The following FAT3 variants were observed in gnomAD, a reference collection of about 807,000 sequenced individuals.
The protein encoded by FAT3 is FAT atypical cadherin 3.
FAT3 carries 95 observed loss-of-function variants against 310.2 expected under a neutral mutation model. The ratio of observed to expected loss-of-function variants is 0.31; its 90% CI spans 0.26 to 0.36. The LOEUF is 0.36. Ranked by LOEUF, FAT3 falls within the 10% of genes least tolerant of loss-of-function variation. The pLI, the probability that FAT3 is intolerant of heterozygous loss-of-function variation, is 1.00. For missense variants in FAT3, 5,408 were observed against 5,715.6 expected (o/e 0.95, Z 1.74); for synonymous variants, 2,314 against 2,192.9 (o/e 1.06, Z -1.54).
chr11:92,567,069 G>T (rs1437210991), intron 3 of FAT3, among the ~76,000 whole-genome samples: 1 of 152,104 alleles, frequency 6.6e-6, no homozygotes, highest in Non-Finnish European at 1.5e-5. Context: ...CTTCTGCACA[G>T]CAAAAGAAAC....
intron 4 of FAT3, among the ~76,000 whole-genome samples, chr11:92,703,658 G>T (rs1440203603): frequency 1.3e-5 from 2 of 152,102 alleles, no homozygotes; most frequent in African/African-American, 4.8e-5. Flanking sequence ...TATTCTTATT[G>T]TATCAACCTC....
intron 2 of FAT3, among the ~76,000 whole-genome samples, chr11:92,381,602 A>G (rs1392056462): frequency 6.6e-6 from 1 of 152,156 alleles, no homozygotes; most frequent in African/African-American, 2.4e-5. Flanking sequence ...AACATTAATT[A>G]TCCTTCCTTC....
intron 2 of FAT3, among the ~76,000 whole-genome samples, chr11:92,390,963 G>A (rs1649270099): frequency 6.6e-6 from 1 of 152,182 alleles, no homozygotes; most frequent in Non-Finnish European, 1.5e-5. Flanking sequence ...ACATCAGCTT[G>A]TGTGCAGGGG....
At chr11:92,774,294 A>C in intron 7 of FAT3, 114 bp downstream of exon 7, 2 of 1,168,502 alleles carry the variant, frequency 1.7e-6, no homozygotes, top group Middle Eastern at 4.8e-4. Context: ...ACGGTTTTCT[A>C]GTGTTTAAAA....
chr11:92,442,109 A>ATTTTTTTTTTTTTTTTTT (rs1258493776), intron 2 of FAT3, among the ~76,000 whole-genome samples: 2 of 50,090 alleles, frequency 4.0e-5, no homozygotes, highest in African/African-American at 1.5e-4. Context: ...ATATATATAT[A>ATTTTTTTTTTTTTTTTTT]TATTTTTTTT....
At chr11:92,524,570 T>A in intron 2 of FAT3, 64 bp from the exon 3 acceptor site, 1 of 1,492,940 alleles carries the variant, frequency 6.7e-7, no homozygotes, top group Non-Finnish European at 9.1e-7. Flanking sequence ...CTTTGGAATT[T>A]GAGATTATTT....
chr11:92,790,171 G>A lies in FAT3; in HGVS notation c.4564G>A (p.Glu1522Lys), dbSNP rs748097452. ...DPSTGVLYTA[E>K]RLDHEAQDKH... The stretch of plus-strand genomic sequence containing the variant: ...TAGCACTGGCGTGCTCTATACTGCC[G>A]AGAGGCTGGACCATGAGGCCCAGGA... The change falls in exon 8 of 28, where the codon GAG (glutamate) becomes AAG (lysine). Residue 1522 changes from glutamate (E) to lysine (K), a missense_variant. Physicochemically the swap from Glu to Lys is moderately conservative, Grantham distance 56. Coordinates refer to ENST00000525166, the MANE Select transcript of FAT3 (RefSeq NM_001367949.2). 36 of 1,613,594 alleles carry A rather than the reference G, an allele frequency of 2.2e-5. No individual in the cohort carries two copies. The highest frequency in any genetic ancestry group is 2.7e-5 in the Non-Finnish European group (32 of 1,179,696).
intron 1 of FAT3, among the ~76,000 whole-genome samples, chr11:92,314,818 C>A (rs541677075): frequency 1.3e-5 from 2 of 152,242 alleles, no homozygotes; most frequent in African/African-American, 4.8e-5. Context: ...AAGTGGAGCT[C>A]TCCTCCCACT....
intron 3 of FAT3, among the ~76,000 whole-genome samples, chr11:92,534,160 T>A (rs1295007595): frequency 6.6e-6 from 1 of 152,186 alleles, no homozygotes; most frequent in Non-Finnish European, 1.5e-5. Flanking sequence ...CCCTTGTCTA[T>A]CAAGTATGAA....
chr11:92,559,957 C>T (rs77808382), intron 3 of FAT3, among the ~76,000 whole-genome samples: 1,681 of 152,208 alleles, frequency 0.011, 33 homozygotes, highest in East Asian at 0.094. Context: ...TTTCACTTTT[C>T]TTACAAATAT....
chr11:92,515,628 G>T (rs571198292), intron 2 of FAT3, among the ~76,000 whole-genome samples: 1 of 152,068 alleles, frequency 6.6e-6, no homozygotes, highest in Non-Finnish European at 1.5e-5. Flanking sequence ...CTGGATGAGT[G>T]ATCACTGGCA....
At chr11:92,383,484 A>G (rs1409842909) in intron 2 of FAT3, among the ~76,000 whole-genome samples, 1 of 152,128 alleles carries the variant, frequency 6.6e-6, no homozygotes, top group Non-Finnish European at 1.5e-5. Context: ...CCCACAGTGT[A>G]TTTGTTTTCC....
chr11:92,493,308 A>T (rs2135244175), intron 2 of FAT3, among the ~76,000 whole-genome samples: 1 of 152,196 alleles, frequency 6.6e-6, no homozygotes, highest in East Asian at 1.9e-4. Flanking sequence ...CTATGCCCAG[A>T]GCTCTTGCCC....
At chr11:92,494,440 C>A (rs1011263810) in intron 2 of FAT3, among the ~76,000 whole-genome samples, 2 of 151,960 alleles carry the variant, frequency 1.3e-5, no homozygotes, top group Admixed American at 1.3e-4. Context: ...CATGTTGTCT[C>A]CAGCATATAA....
intron 22 of FAT3, among the ~76,000 whole-genome samples, chr11:92,878,634 T>TAAAAAAAAAAAAAAAAAA (rs145900689): frequency 1.9e-4 from 4 of 21,226 alleles, no homozygotes; most frequent in African/African-American, 2.8e-4. Flanking sequence ...TGTTATGTGT[T>TAAAAAAAAAAAAAAAAAA]AAAAAAAAAA....
At chr11:92,536,582 A>T (rs1364450015) in intron 3 of FAT3, among the ~76,000 whole-genome samples, 1 of 152,230 alleles carries the variant, frequency 6.6e-6, no homozygotes, top group Non-Finnish European at 1.5e-5. Flanking sequence ...GTATACTCTC[A>T]GTAAACGTTC....
At chr11:92,358,029 T>C (rs1591165289) in intron 2 of FAT3, among the ~76,000 whole-genome samples, 2 of 150,444 alleles carry the variant, frequency 1.3e-5, no homozygotes, top group African/African-American at 4.9e-5. Flanking sequence ...GAAAATTATC[T>C]GGGTGTGGTG....
At chr11:92,702,704 C>A (rs1378424252) in intron 4 of FAT3, among the ~76,000 whole-genome samples, 1 of 152,174 alleles carries the variant, frequency 6.6e-6, no homozygotes, top group Non-Finnish European at 1.5e-5. Flanking sequence ...CTTAAATAAT[C>A]CTATAGTCCT....
intron 3 of FAT3, among the ~76,000 whole-genome samples, chr11:92,645,701 C>G (rs1361153979): frequency 2.0e-5 from 3 of 152,082 alleles, no homozygotes; most frequent in Non-Finnish European, 4.4e-5. Flanking sequence ...AGAAATGCAG[C>G]CTTCATTAGT....
Sources: allele counts gnomAD v4.1 joint callset (sites outside exome capture counted in the v4.1 genomes callset), GRCh38; gene constraint gnomAD v4.1.1; transcripts MANE v1.5; gene names NCBI Gene and HGNC (gene_info 2026-07-23, HGNC 2026-07-21).